The following UBE2D3 variants were observed in gnomAD, a reference collection of about 807,000 sequenced individuals.
UBE2D3 encodes ubiquitin conjugating enzyme E2 D3, also known as ubiquitin-conjugating enzyme E2 D3.
UBE2D3 carries 2 observed loss-of-function variants against 22.8 expected under a neutral mutation model. That is an observed-to-expected ratio of 0.09 (90% CI 0.04 to 0.28). UBE2D3 has a LOEUF of 0.28. UBE2D3 is among the 10% of genes least tolerant of loss of function. UBE2D3 has a pLI of 1.00. For missense variants in UBE2D3, 27 were observed against 182.5 expected, an observed-to-expected ratio of 0.15 and a Z score of 4.91; for synonymous variants, 56 against 60.4, an observed-to-expected ratio of 0.93 and a Z score of 0.34.
intron 1 of UBE2D3, among the ~76,000 whole-genome samples, chr4:102,846,814 T>TC (rs1732060820): frequency 6.6e-6 from 1 of 151,428 alleles, no homozygotes; most frequent in Non-Finnish European, 1.5e-5. Flanking sequence ...TAATTAAATT[T>TC]TTTTTTTTTT....
At chr4:102,853,135 A>ATCCTTTTTT (rs386626793) in intron 1 of UBE2D3, among the ~76,000 whole-genome samples, 1 of 88,598 alleles carries the variant, frequency 1.1e-5, no homozygotes. Context: ...AAACACACAC[A>ATCCTTTTTT]TTTTTTTTTT....
chr4:102,867,653 G>A (rs1017001583), intron 1 of UBE2D3, among the ~76,000 whole-genome samples: 1 of 152,034 alleles, frequency 6.6e-6, no homozygotes, highest in African/African-American at 2.4e-5. Flanking sequence ...TTTAAAATTC[G>A]TTGGGTGTGG....
Position 102,799,512 on chromosome 4 carries a change from C to G in UBE2D3, c.305-12G>C, listed in dbSNP as rs371132961. 23 of 1,595,152 alleles carry G rather than the reference C, an allele frequency of 1.4e-5. No homozygotes were observed. Among genetic ancestry groups the G allele is most frequent in the Non-Finnish European group, 2.0e-5 (23 of 1,168,356 alleles). The stretch of plus-strand genomic sequence containing the variant: ...AATGGATAAAAGAACTGCAAGAAAA[C>G]AAAAACATCTGTTACCCAGTTTCAG... On this transcript the variant is annotated splice_polypyrimidine_tract_variant and intron_variant, in intron 6 of 7. Coordinates refer to ENST00000453744, the MANE Select transcript of UBE2D3 (RefSeq NM_181891.3).
At chr4:102,803,288 T>A (rs761868656) in intron 4 of UBE2D3, among the ~76,000 whole-genome samples, 1 of 152,224 alleles carries the variant, frequency 6.6e-6, no homozygotes, top group Non-Finnish European at 1.5e-5. Flanking sequence ...GATACTGACC[T>A]ACTCAGGAAT....
intron 2 of UBE2D3, among the ~76,000 whole-genome samples, chr4:102,823,692 C>G (rs1729987800): frequency 6.6e-6 from 1 of 151,996 alleles, no homozygotes; most frequent in African/African-American, 2.4e-5. Context: ...GTTTAATAGC[C>G]CTATTTAAGA....
chr4:102,842,996 G>A (rs1731846247), intron 1 of UBE2D3, among the ~76,000 whole-genome samples: 1 of 145,450 alleles, frequency 6.9e-6, no homozygotes, highest in Non-Finnish European at 1.5e-5. Flanking sequence ...TGTAATCCCA[G>A]CTACTCAGGA....
intron 1 of UBE2D3, among the ~76,000 whole-genome samples, chr4:102,837,486 T>C (rs1448682320): frequency 6.6e-6 from 1 of 152,240 alleles, no homozygotes; most frequent in Non-Finnish European, 1.5e-5. Context: ...AGCATGTGCC[T>C]ACTTTGTTAG....
At chr4:102,832,327 A>C (rs1731156787), upstream of UBE2D3, among the ~76,000 whole-genome samples, 1 of 151,330 alleles carries the variant, frequency 6.6e-6, no homozygotes, top group Non-Finnish European at 1.5e-5. Flanking sequence ...CAAGGAGAGA[A>C]TGAGAAGACA....
At chr4:102,841,082 T>C (rs1731731496) in intron 1 of UBE2D3, among the ~76,000 whole-genome samples, 2 of 151,872 alleles carry the variant, frequency 1.3e-5, no homozygotes, top group African/African-American at 4.8e-5. Flanking sequence ...TAACAAATAA[T>C]CTTTAAACCA....
At chr4:102,812,175 C>T in intron 2 of UBE2D3, 3 of 155,410 alleles carry the variant, frequency 1.9e-5, no homozygotes, top group Non-Finnish European at 4.3e-5. Context: ...TGCCTGTAGT[C>T]CCAGCTACTC....
intron 4 of UBE2D3, among the ~76,000 whole-genome samples, chr4:102,803,824 A>C (rs1373202893): frequency 3.3e-5 from 5 of 152,236 alleles, no homozygotes; most frequent in Non-Finnish European, 7.3e-5. Context: ...GCTTAAGCGC[A>C]GTGGCACGAT....
intron 2 of UBE2D3, among the ~76,000 whole-genome samples, chr4:102,819,261 C>A (rs543199036): frequency 2.7e-5 from 4 of 150,440 alleles, no homozygotes; most frequent in African/African-American, 9.8e-5. Context: ...ACCCAGGAGA[C>A]GGTGGTTGCA....
In UBE2D3 at chr4:102,794,911, G is replaced by T. The variant is rs1012634843; in HGVS notation, c.*2504C>A. ...CATTAAAAGATTTAGGAAATACAAA[G>T]ACATAGTCAAAACTGATTCTAATAC... On this transcript the variant is annotated 3_prime_UTR_variant, in exon 8 of 8. Coordinates refer to ENST00000453744, the MANE Select transcript of UBE2D3 (RefSeq NM_181891.3). 1 of 152,018 alleles carries T rather than the reference G, an allele frequency of 6.6e-6. No homozygotes were observed. Among genetic ancestry groups the T allele is most frequent in the African/African-American group, 2.4e-5 (1 of 41,418 alleles). The allele number at this position is 152,018 out of a possible 1,614,324, so 9.4% of individuals were successfully genotyped here. A position where few individuals can be genotyped will look rare whatever the true frequency, so the allele number is the denominator to read the frequency against.
intron 1 of UBE2D3, among the ~76,000 whole-genome samples, chr4:102,848,703 C>T (rs1199089295): frequency 1.3e-5 from 2 of 151,972 alleles, no homozygotes; most frequent in Non-Finnish European, 2.9e-5. Context: ...CCTATAGTCC[C>T]AGCTATTTAG....
chr4:102,849,364 CA>C (rs55874314), intron 1 of UBE2D3, among the ~76,000 whole-genome samples: 2,002 of 63,202 alleles, frequency 0.032, 18 homozygotes, highest in African/African-American at 0.079. Context: ...ACCCCTGTCT[CA>C]AAAAAAAAAA....
intron 1 of UBE2D3, among the ~76,000 whole-genome samples, chr4:102,853,286 G>A (rs1334724033): frequency 6.6e-6 from 1 of 151,108 alleles, no homozygotes; most frequent in Non-Finnish European, 1.5e-5. Flanking sequence ...GGGACTACAG[G>A]CGCCCGCCAC....
intron 1 of UBE2D3, among the ~76,000 whole-genome samples, chr4:102,865,096 T>C (rs1317106265): frequency 6.6e-6 from 1 of 152,214 alleles, no homozygotes; most frequent in African/African-American, 2.4e-5. Flanking sequence ...ACCTTTGTGA[T>C]TTAGGGGTAG....
chr4:102,822,809 G>A (rs1472968772), intron 2 of UBE2D3, among the ~76,000 whole-genome samples: 12 of 46,194 alleles, frequency 2.6e-4, no homozygotes, highest in African/African-American at 1.4e-3. Context: ...GGTGGTGGGC[G>A]CCTGTAGTCC....
chr4:102,802,980 C>G (rs1206171866), intron 4 of UBE2D3, among the ~76,000 whole-genome samples: 1 of 152,154 alleles, frequency 6.6e-6, no homozygotes, highest in Non-Finnish European at 1.5e-5. Context: ...CAAAATTTTA[C>G]ACATGTAGAT....
Sources: gnomAD v4.1 joint callset for allele counts (sites outside exome capture counted in the v4.1 genomes callset) on GRCh38, gnomAD v4.1.1 for gene constraint, MANE v1.5 for transcripts, NCBI Gene and HGNC (gene_info 2026-07-23, HGNC 2026-07-21) for gene names.